Variants in SHFL observed in about 807,000 individuals in gnomAD.
SHFL encodes shiftless antiviral inhibitor of ribosomal frameshifting.
Under a neutral mutation model 34.7 loss-of-function variants are expected in SHFL, and 12 were observed. That is an observed-to-expected ratio of 0.35 (90% CI 0.22 to 0.56). The LOEUF is 0.56. Ranked by LOEUF, SHFL falls within the 20% of genes least tolerant of loss-of-function variation. SHFL has a pLI of 0.88. For synonymous variants in SHFL, 148 were observed against 156.0 expected (o/e 0.95, Z 0.38); for missense variants, 278 against 411.1 (o/e 0.68, Z 2.80).
chr19:10,089,917 TG>T lies in SHFL; in HGVS notation c.255del (p.Pro86HisfsTer2). The T allele has an allele frequency of 6.2e-7, 1 of 1,612,064 alleles. No individual in the cohort carries two copies. The highest frequency in any genetic ancestry group is 8.5e-7 in the Non-Finnish European group (1 of 1,179,274). On this transcript the variant is annotated frameshift_variant, in exon 5 of 8. Coordinates refer to ENST00000253110, the MANE Select transcript of SHFL (RefSeq NM_018381.4). LOFTEE classifies it high-confidence loss of function. ...RDIQAVATSL[L>X]PLTEANLRMF... ...CCACAGGCAGTGGCGACCTCCCTCC[TG>T]CCACTGACAGAAGCCAACCTACGCA...
rs1179639446 is a variant in SHFL, at chr19:10,086,810, G to C, written c.22-119G>C. 13 of 1,210,612 alleles carry C rather than the reference G, an allele frequency of 1.1e-5. 1 individual carries two copies. The South Asian group carries it at 1.2e-4, about 11-fold the overall frequency. The allele number at this position is 1,210,612 out of a possible 1,614,324, so 75.0% of individuals were successfully genotyped here. On this transcript the variant is annotated intron_variant, in intron 1 of 7. Transcript: ENST00000253110. The surrounding 1 kb of genome is among the most constrained non-coding windows in gnomAD (Gnocchi z 5.2). ...CCGTAAAGGGATGAAAGGCGGGGGG[G>C]GGGCGGCGGAGGCCAAAACCAAGGG...
Position 10,091,471 on chromosome 19 carries a change from C to G in SHFL, c.489-5C>G, listed in dbSNP as rs749123419. On this transcript the variant is annotated splice_region_variant and splice_polypyrimidine_tract_variant and intron_variant, in intron 6 of 7. Coordinates refer to ENST00000253110, the MANE Select transcript of SHFL (RefSeq NM_018381.4). The surrounding 1 kb of genome is among the most constrained non-coding windows in gnomAD (Gnocchi z 8.2). Reference sequence around the variant, plus strand: ...TCGGACCCTCACAGCCCTGCCCGCCCCCAGGGGCTGGGCACAGATGGGGTC... The same window carrying G: ...TCGGACCCTCACAGCCCTGCCCGCCGCCAGGGGCTGGGCACAGATGGGGTC... 10 of 1,540,246 alleles carry G rather than the reference C, an allele frequency of 6.5e-6. No homozygotes were observed. The East Asian group carries it at 2.0e-4, about 30-fold the overall frequency.
chr19:10,091,242 A>G lies in SHFL; in HGVS notation c.385-8A>G. On this transcript the variant is annotated splice_polypyrimidine_tract_variant and splice_region_variant and intron_variant, in intron 5 of 7. Transcript: ENST00000253110. The surrounding 1 kb of genome is among the most constrained non-coding windows in gnomAD (Gnocchi z 8.2). ...CCCTCTCTGTACCTTCCTGCCCACC[A>G]CCACCAGGTATCCCGGTGCCGGAAA... 2 of 1,610,858 alleles carry G rather than the reference A, an allele frequency of 1.2e-6. No individual in the cohort carries two copies. The highest frequency in any genetic ancestry group is 1.7e-5 in the Admixed American group (1 of 59,932).
chr19:10,091,814 C>A lies in SHFL; in HGVS notation c.643+184C>A. The A allele has an allele frequency of 1.0e-6, 1 of 1,002,526 alleles. No individual in the cohort carries two copies. The highest frequency in any genetic ancestry group is 1.4e-6 in the Non-Finnish European group (1 of 706,320). 62.1% of individuals were successfully genotyped at this position (1,002,526 alleles called of 1,614,324 possible). A position where few individuals can be genotyped will look rare whatever the true frequency, so the allele number is the denominator to read the frequency against. ...GCTCTGAGGTTTCACCCCAGTGGCC[C>A]GTGCCTGAGGGTCCCCATGGCCTCT... On this transcript the variant is annotated intron_variant, in intron 7 of 7. Coordinates refer to ENST00000253110, the MANE Select transcript of SHFL (RefSeq NM_018381.4). The surrounding 1 kb of genome is among the most constrained non-coding windows in gnomAD (Gnocchi z 8.2).
chr19:10,089,424 T>A (rs1462499624), intron 3 of SHFL: 1 of 1,586,340 alleles, frequency 6.3e-7, no homozygotes, highest in African/African-American at 1.3e-5. Context: ...AGCCCTCCCC[T>A]AAGCCTCAGT....
chr19:10,087,090 G>A (rs1367913901), intron 2 of SHFL, 38 bp downstream of exon 2: 10 of 1,597,666 alleles, frequency 6.3e-6, no homozygotes, highest in Non-Finnish European at 8.5e-6. Flanking sequence ...TGCGGGGACC[G>A]CGCGTGGGAG....
rs1357519155 is a variant in SHFL at position 10,091,440 on chromosome 19, T to A, written c.489-36T>A. On this transcript the variant is annotated intron_variant, in intron 6 of 7. Transcript: ENST00000253110. The surrounding 1 kb of genome is among the most constrained non-coding windows in gnomAD (Gnocchi z 8.2). ...GCCCTGGCCCCACCCTGGCCCAGCC[T>A]CGCCCTCGGACCCTCACAGCCCTGC... is the stretch of plus-strand genomic sequence containing the variant. 8.8e-6 allele frequency: 10 copies of A among 1,135,836 alleles called. No homozygotes were observed. The highest frequency in any genetic ancestry group is 1.1e-5 in the Non-Finnish European group (10 of 873,112). The allele number at this position is 1,135,836 out of a possible 1,614,324, so 70.4% of individuals were successfully genotyped here.
chr19:10,089,057 C>A (rs2088337317), intron 3 of SHFL: 1 of 461,924 alleles, frequency 2.2e-6, no homozygotes, highest in African/African-American at 2.0e-5. Flanking sequence ...TTATTTATTT[C>A]ATCACTGCAG....
rs1599278369 is a variant in SHFL, at chr19:10,091,940, T to C, written c.644-130T>C. 8.7e-7 allele frequency: 1 copy of C among 1,150,000 alleles called. No homozygotes were observed. Among genetic ancestry groups the C allele is most frequent in the East Asian group, 2.4e-5 (1 of 41,428 alleles). The allele number at this position is 1,150,000 out of a possible 1,614,324, so 71.2% of individuals were successfully genotyped here. On this transcript the variant is annotated intron_variant, in intron 7 of 7. Transcript: ENST00000253110. The surrounding 1 kb of genome is among the most constrained non-coding windows in gnomAD (Gnocchi z 8.2). ...CCTGTATCTTCAACACCCCTGAATG[T>C]CCAGTTGTGCTGGTCCCCGTATCTG...
rs562187238 is a variant in SHFL at position 10,086,352 on chromosome 19, C to T, written c.-76C>T. The T allele has an allele frequency of 5.7e-6, 7 of 1,237,354 alleles. No individual in the cohort carries two copies. The highest frequency in any genetic ancestry group is 6.3e-5 in the East Asian group (2 of 31,936). 76.6% of individuals were successfully genotyped at this position (1,237,354 alleles called of 1,614,324 possible). A position where few individuals can be genotyped will look rare whatever the true frequency, so the allele number is the denominator to read the frequency against. On this transcript the variant is annotated 5_prime_UTR_variant, in exon 1 of 8. Transcript: ENST00000253110. This position sits in a 1 kb window ranked among gnomAD's most constrained non-coding sequence, Gnocchi z 5.2. ...CCCCTGCCCTGCGCGGCTGCTGGAC[C>T]GACGGGCGCACCCAGGTAGGGGGGC...
Position 10,092,872 on chromosome 19 carries a change from C to A in SHFL, c.*570C>A. On this transcript the variant is annotated 3_prime_UTR_variant, in exon 8 of 8. Transcript: ENST00000253110. ...AAGGCTTTTGCCAGGCATCCCCTGG[C>A]CCCTCCCATTCTTATTGAATACAAG... 1 of 1,082,178 alleles carries A rather than the reference C, an allele frequency of 9.2e-7. No homozygotes were observed. Among genetic ancestry groups the A allele is most frequent in the Non-Finnish European group, 1.3e-6 (1 of 780,202 alleles). The allele number at this position is 1,082,178 out of a possible 1,614,324, so 67.0% of individuals were successfully genotyped here.
At chr19:10,088,763 C>T (rs1262155684) in intron 3 of SHFL, among the ~76,000 whole-genome samples, 3 of 151,698 alleles carry the variant, frequency 2.0e-5, no homozygotes, top group Non-Finnish European at 1.5e-5. Context: ...CTGGCCAACA[C>T]GGTGAAACCC....
chr19:10,086,872 G>A lies in SHFL; in HGVS notation c.22-57G>A, dbSNP rs999376515. 1 of 1,600,882 alleles carries A rather than the reference G, an allele frequency of 6.2e-7. No individual in the cohort carries two copies. The highest frequency in any genetic ancestry group is 1.3e-5 in the African/African-American group (1 of 74,780). On this transcript the variant is annotated intron_variant, in intron 1 of 7. Coordinates refer to ENST00000253110, the MANE Select transcript of SHFL (RefSeq NM_018381.4). The surrounding 1 kb of genome is among the most constrained non-coding windows in gnomAD (Gnocchi z 5.2). ...CCGGGAGAACGGTGCCTAGAGATGGGGGAGGGATGATCCCGTTTCCCCTTC... is the reference window on the plus strand; with the variant it reads ...CCGGGAGAACGGTGCCTAGAGATGGAGGAGGGATGATCCCGTTTCCCCTTC...
chr19:10,091,997 G>T lies in SHFL; in HGVS notation c.644-73G>T. ...TCAGCTCCTCCCTAGAGCCCCGCGT[G>T]GCCTAAGTCCCCTCCTCCCCAGACT... On this transcript the variant is annotated intron_variant, in intron 7 of 7. Transcript: ENST00000253110. The surrounding 1 kb of genome is among the most constrained non-coding windows in gnomAD (Gnocchi z 8.2). The T allele has an allele frequency of 6.3e-7, 1 of 1,590,422 alleles. No individual in the cohort carries two copies. The highest frequency in any genetic ancestry group is 1.1e-5 in the South Asian group (1 of 89,454).
In SHFL at chr19:10,091,877, CCCCTGT is replaced by C; in HGVS notation, c.644-192_644-187del. The C allele has an allele frequency of 1.2e-6, 1 of 861,492 alleles. No individual in the cohort carries two copies. The allele number at this position is 861,492 out of a possible 1,614,324, so 53.4% of individuals were successfully genotyped here. On this transcript the variant is annotated intron_variant, in intron 7 of 7. Transcript: ENST00000253110. The surrounding 1 kb of genome is among the most constrained non-coding windows in gnomAD (Gnocchi z 8.2). Reference sequence around the variant, plus strand: ...TCTGGGTTTGGGGCCCCTGTTTTGTCCCCTGTAATCTCAGGTGACCCCCATGTCCCC... The same window carrying C: ...TCTGGGTTTGGGGCCCCTGTTTTGTCAATCTCAGGTGACCCCCATGTCCCC...
At chr19:10,087,823 A>ATGAATCCCTTGTGT (rs755610939) in intron 3 of SHFL, 1 of 61,900 alleles carries the variant, frequency 1.6e-5, no homozygotes, top group African/African-American at 1.6e-4. Flanking sequence ...CTTGTGTTGA[A>ATGAATCCCTTGTGT]TGAATGAATG....
intron 3 of SHFL, 176 bp from the exon 4 acceptor site, chr19:10,089,481 C>A: frequency 1.4e-6 from 2 of 1,412,888 alleles, no homozygotes; most frequent in Non-Finnish European, 2.0e-6. Flanking sequence ...CCTCTCAGGG[C>A]TGCTATGAGG....
chr19:10,089,053 A>G, intron 3 of SHFL: 1 of 443,782 alleles, frequency 2.3e-6, no homozygotes, highest in Non-Finnish European at 4.0e-6. Flanking sequence ...GAATTTATTT[A>G]TTTCATCACT....
rs967214296 is a variant in SHFL, at chr19:10,092,605, C to T, written c.*303C>T. ...AACACAGAGTCACAGCTTCAGGGGC[C>T]GAATGAGCATGGCGGCCTTCCTGAG... On this transcript the variant is annotated 3_prime_UTR_variant, in exon 8 of 8. Transcript: ENST00000253110. 9 of 1,607,130 alleles carry T rather than the reference C, an allele frequency of 5.6e-6. No homozygotes were observed. The highest frequency in any genetic ancestry group is 4.0e-5 in the African/African-American group (3 of 74,814).
Sources: gnomAD v4.1 joint callset for allele counts (sites outside exome capture counted in the v4.1 genomes callset) on GRCh38, gnomAD v4.1.1 for gene constraint, Gnocchi (gnomAD v3.1) non-coding constraint, MANE v1.5 for transcripts, NCBI Gene and HGNC (gene_info 2026-07-23, HGNC 2026-07-21) for gene names.